DHX32: variants seen among roughly 807,000 people sequenced by gnomAD.
DHX32 encodes the protein putative pre-mRNA-splicing factor ATP-dependent RNA helicase DHX32.
Under a neutral mutation model 70.0 loss-of-function variants are expected in DHX32, and 51 were observed. The ratio of observed to expected loss-of-function variants is 0.73; its 90% CI spans 0.58 to 0.92. The LOEUF (loss-of-function observed/expected upper bound fraction) is 0.92, where lower values mean the gene tolerates loss of function less well. Among genes scored for constraint, DHX32 ranks in the 40% least tolerant of loss-of-function variants. DHX32 has a pLI of 0.00. For synonymous variants in DHX32, 310 were observed against 315.3 expected (o/e 0.98, Z 0.18); for missense variants, 762 against 891.8 (o/e 0.85, Z 1.85).
chr10:125,841,056 C>T (rs969060012), intron 7 of DHX32, 60 bp from the exon 8 acceptor site: 15 of 1,551,108 alleles, frequency 9.7e-6, no homozygotes, highest in Non-Finnish European at 1.3e-5. Flanking sequence ...CTTAGCCTAA[C>T]ATGCAGAGGG....
At position 125,880,746 on chromosome 10, in the gene DHX32, C is replaced by T. The variant is rs1944312302; in HGVS notation, c.79G>A (p.Gly27Arg). ...YFPESLDSSD[G>R]DEEEVLACED... ...CAGGCCAAAACCTCTTCCTCATCCC[C>T]ATCGCTGGAATCCAGGGATTCAGGA... is the stretch of plus-strand genomic sequence containing the variant. The change falls in exon 1 of 11, where the codon GGG (glycine) becomes AGG (arginine). Residue 27 changes from glycine to arginine, a missense_variant. By Grantham distance (125) the Gly-to-Arg change is moderately radical (BLOSUM62 -2). This residue lies in a region of DHX32 where 394 missense variants were observed against 473.1 expected (regional missense o/e 0.83). Coordinates refer to ENST00000284690, the MANE Select transcript of DHX32 (RefSeq NM_018180.3). 1 of 1,614,190 alleles carries T rather than the reference C, an allele frequency of 6.2e-7. No individual in the cohort carries two copies. The highest frequency in any genetic ancestry group is 1.3e-5 in the African/African-American group (1 of 75,056).
rs1210081529 is a variant in DHX32, at chr10:125,852,525, T to G, written c.1192+18A>C. 6.2e-7 allele frequency: 1 copy of G among 1,613,224 alleles called. No individual in the cohort carries two copies. Among genetic ancestry groups the G allele is most frequent in the Admixed American group, 1.7e-5 (1 of 59,868 alleles). ...TACAAGAATTGACAACATTTAGTAT[T>G]TGTGTCCACAGCACTACCTGAAGAA... On this transcript the variant is annotated intron_variant, in intron 5 of 10. Coordinates refer to ENST00000284690, the MANE Select transcript of DHX32 (RefSeq NM_018180.3).
chr10:125,852,208 G>A (rs1435443513), intron 6 of DHX32, 85 bp downstream of exon 6: 40 of 1,506,796 alleles, frequency 2.7e-5, no homozygotes, highest in Middle Eastern at 4.7e-4. Context: ...GCATTGCTGC[G>A]CATCATGTGA....
At chr10:125,860,974 G>C (rs1014125287) in intron 2 of DHX32, among the ~76,000 whole-genome samples, 3 of 151,574 alleles carry the variant, frequency 2.0e-5, no homozygotes, top group African/African-American at 4.8e-5. Flanking sequence ...GGATGGTCTC[G>C]ATCTCCTGAC....
At chr10:125,879,272 C>T (rs533945138) in intron 1 of DHX32, among the ~76,000 whole-genome samples, 1 of 151,972 alleles carries the variant, frequency 6.6e-6, no homozygotes, top group South Asian at 2.1e-4. Flanking sequence ...AATCCTCCTG[C>T]CTCAGCCTCC....
chr10:125,852,867 A>G lies in DHX32; in HGVS notation c.1093-225T>C, dbSNP rs368990177. 1.3e-3 allele frequency among the ~76,000 whole-genome samples: 191 copies of G among 152,362 alleles called. 3 individuals are homozygous for G. The South Asian group carries it at 0.014, about 11-fold the overall frequency. ...GTTGTCTGCTTTCATTGTGGCTTCA[A>G]TAACTATGAGACCTTTGTGTCATCT... On this transcript the variant is annotated intron_variant, in intron 4 of 10. Transcript: ENST00000284690.
Position 125,866,946 on chromosome 10 carries a change from C to A in DHX32, c.476+44G>T. 1 of 1,574,674 alleles carries A rather than the reference C, an allele frequency of 6.4e-7. No individual in the cohort carries two copies. The highest frequency in any genetic ancestry group is 1.2e-5 in the South Asian group (1 of 85,246). On this transcript the variant is annotated intron_variant, in intron 2 of 10. Coordinates refer to ENST00000284690, the MANE Select transcript of DHX32 (RefSeq NM_018180.3). The surrounding 1 kb of genome is among the most constrained non-coding windows in gnomAD (Gnocchi z 4.8). ...CTCCTTCAGAATTGTAGAACCTAAG[C>A]CAAGAATCATCAGCAGGGAGCGGAC...
intron 3 of DHX32, among the ~76,000 whole-genome samples, chr10:125,856,243 T>C (rs1409576333): frequency 1.3e-5 from 2 of 152,204 alleles, no homozygotes; most frequent in Non-Finnish European, 2.9e-5. Context: ...AAGGACGATA[T>C]CTAGCAGACA....
intron 4 of DHX32, chr10:125,853,475 C>T (rs903059532): frequency 2.0e-5 from 5 of 253,186 alleles, no homozygotes; most frequent in South Asian, 1.5e-4. Flanking sequence ...AAAATTTTAT[C>T]GTCAATTATA....
rs369691673 is a variant in DHX32 at position 125,880,674 on chromosome 10, G to A, written c.151C>T (p.Arg51Cys). ...CTTTCTTTCAGAAGTTTATAATAAC[G>A]TGATGAATATGGCAATCCATCAAAG... ...NPFDGLPYSS[R>C]YYKLLKERED... The change falls in exon 1 of 11, where the codon CGT (arginine) becomes TGT (cysteine). Residue 51 changes from arginine (R) to cysteine (C), a missense_variant. Coordinates refer to ENST00000284690, the MANE Select transcript of DHX32 (RefSeq NM_018180.3). 6.2e-6 allele frequency: 10 copies of A among 1,614,118 alleles called. No individual in the cohort carries two copies. Among genetic ancestry groups the A allele is most frequent in the Middle Eastern group, 1.6e-4 (1 of 6,062 alleles).
chr10:125,880,514 G>A, intron 1 of DHX32, 29 bp downstream of exon 1: 1 of 1,549,094 alleles, frequency 6.5e-7, no homozygotes, highest in Non-Finnish European at 8.7e-7. Context: ...AACACATACA[G>A]CAAATTATTT....
Position 125,836,450 on chromosome 10 carries a change from A to G in DHX32, c.*237T>C. ...TACCAGTTTTTTAAAATTTTGGTCA[A>G]ATTATGAGTGGTTGATTTAAAAACT... On this transcript the variant is annotated 3_prime_UTR_variant, in exon 11 of 11. Coordinates refer to ENST00000284690, the MANE Select transcript of DHX32 (RefSeq NM_018180.3). 4 of 1,421,168 alleles carry G rather than the reference A, an allele frequency of 2.8e-6. No homozygotes were observed. Among genetic ancestry groups the G allele is most frequent in the Non-Finnish European group, 3.7e-6 (4 of 1,092,824 alleles). 88.0% of individuals were successfully genotyped at this position (1,421,168 alleles called of 1,614,324 possible).
chr10:125,842,674 C>A, intron 6 of DHX32: 1 of 219,796 alleles, frequency 4.5e-6, no homozygotes, highest in Non-Finnish European at 7.7e-6. Context: ...AGTAGAGAGG[C>A]ATGAAAAGCA....
intron 2 of DHX32, among the ~76,000 whole-genome samples, chr10:125,860,329 C>G (rs1002998572): frequency 6.6e-6 from 1 of 152,164 alleles, no homozygotes; most frequent in African/African-American, 2.4e-5. Flanking sequence ...ATAAAACACC[C>G]TGGTCAATTT....
intron 1 of DHX32, among the ~76,000 whole-genome samples, chr10:125,878,565 A>G (rs951981281): frequency 3.9e-5 from 6 of 152,186 alleles, no homozygotes; most frequent in African/African-American, 1.4e-4. Flanking sequence ...AGGCATACAT[A>G]TTAATACACT....
chr10:125,845,766 T>A (rs957320767), intron 6 of DHX32, among the ~76,000 whole-genome samples: 3 of 152,248 alleles, frequency 2.0e-5, no homozygotes, highest in Non-Finnish European at 4.4e-5. Flanking sequence ...AGCCTTGCCC[T>A]GGGCAGGGCT....
intron 1 of DHX32, among the ~76,000 whole-genome samples, chr10:125,892,004 G>A (rs565720625): frequency 2.4e-4 from 36 of 151,684 alleles, no homozygotes; most frequent in African/African-American, 7.7e-4. Context: ...TTTTCCTTTC[G>A]TTCCAGACCC....
In DHX32 at chr10:125,838,224, G is replaced by T; in HGVS notation, c.2045C>A (p.Ser682Ter). ...ISENNYIRIT[S>*]EISPELFMQL... ...AACTTACAGTTCAGGAGAGATTTCT[G>T]AGGTAATCCTGATGTAGTTGTTCTC... The change falls in exon 10 of 11, where the codon TCA becomes TAA. Residue 682 changes from serine (S) to a stop codon, truncating the protein, a stop_gained. Transcript: ENST00000284690. LOFTEE classifies it high-confidence loss of function. 6.2e-7 allele frequency: 1 copy of T among 1,606,212 alleles called. No homozygotes were observed. The highest frequency in any genetic ancestry group is 8.5e-7 in the Non-Finnish European group (1 of 1,177,968).
chr10:125,861,235 C>T (rs1220735553), intron 2 of DHX32, among the ~76,000 whole-genome samples: 2 of 151,824 alleles, frequency 1.3e-5, no homozygotes, highest in South Asian at 2.1e-4. Flanking sequence ...TAGTTTGCCC[C>T]GCCTGTAATC....
Sources: allele counts gnomAD v4.1 joint callset (sites outside exome capture counted in the v4.1 genomes callset), GRCh38; gene constraint gnomAD v4.1.1; regional missense constraint gnomAD v4.1.1; non-coding constraint Gnocchi (gnomAD v3.1); transcripts MANE v1.5; gene names NCBI Gene and HGNC (gene_info 2026-07-23, HGNC 2026-07-21).